The following FRMPD4 variants were observed in gnomAD, a reference collection of about 807,000 sequenced individuals.
FRMPD4 encodes FERM and PDZ domain-containing protein 4.
In FRMPD4, 22 loss-of-function variants were observed where a neutral mutation model predicts 94.1. That is an observed-to-expected ratio of 0.23 (90% CI 0.17 to 0.33). FRMPD4 has a LOEUF of 0.33. Among genes scored for constraint, FRMPD4 ranks in the 10% least tolerant of loss-of-function variants. The pLI is 1.00. For synonymous variants in FRMPD4, 631 were observed against 548.6 expected (o/e 1.15, Z -2.10); for missense variants, 1,111 against 1,339.9 (o/e 0.83, Z 2.67).
chrX:12,129,817 T>A (rs1014594233), intron 3 of FRMPD4, among the ~76,000 whole-genome samples: 3 of 111,967 alleles, frequency 2.7e-5, no homozygotes, highest in Non-Finnish European at 5.6e-5. Flanking sequence ...AGGCAATAAT[T>A]CCTGCCCCAT....
intron 1 of FRMPD4, among the ~76,000 whole-genome samples, chrX:12,303,840 A>G (rs1434039610): frequency 6.2e-5 from 7 of 112,514 alleles, no homozygotes; most frequent in African/African-American, 2.3e-4. Flanking sequence ...GAAAACAGAT[A>G]TTTAGAAAGA....
At chrX:12,015,292 C>T (rs2054599478) in intron 3 of FRMPD4, among the ~76,000 whole-genome samples, 1 of 111,069 alleles carries the variant, frequency 9.0e-6, no homozygotes, top group Non-Finnish European at 1.9e-5. Context: ...GGCCATCTCC[C>T]CAGTCTGAAG....
intron 1 of FRMPD4, among the ~76,000 whole-genome samples, chrX:12,189,072 A>T (rs1436213121): frequency 9.0e-6 from 1 of 111,507 alleles, no homozygotes; most frequent in African/African-American, 3.3e-5. Flanking sequence ...GAGAGAAGAC[A>T]TGAATTACTA....
At chrX:12,473,126 T>C (rs933109257) in intron 1 of FRMPD4, among the ~76,000 whole-genome samples, 5 of 110,734 alleles carry the variant, frequency 4.5e-5, no homozygotes, top group Non-Finnish European at 7.5e-5. Context: ...CGGCAGAAAC[T>C]CTACAAGCCA....
At chrX:12,408,991 G>A (rs1175703030) in intron 1 of FRMPD4, among the ~76,000 whole-genome samples, 1 of 111,362 alleles carries the variant, frequency 9.0e-6, no homozygotes, top group Non-Finnish European at 1.9e-5. Flanking sequence ...ATGACTAACA[G>A]GGAAGAGTTT....
intron 4 of FRMPD4, among the ~76,000 whole-genome samples, chrX:12,634,355 T>C (rs191097993): frequency 1.3e-3 from 142 of 112,260 alleles, no homozygotes; most frequent in African/African-American, 4.3e-3. Context: ...CAGAGCTGAA[T>C]TGATCACATG....
chrX:12,691,933 G>A (rs984042446), intron 8 of FRMPD4, among the ~76,000 whole-genome samples: 1 of 110,640 alleles, frequency 9.0e-6, no homozygotes, highest in African/African-American at 3.3e-5. Context: ...TTGTGCTATC[G>A]AATGGTCACA....
chrX:12,072,300 A>T (rs947721812), intron 3 of FRMPD4, among the ~76,000 whole-genome samples: 1 of 112,273 alleles, frequency 8.9e-6, no homozygotes, highest in African/African-American at 3.2e-5. Context: ...CACACTGTTT[A>T]TTAAGAGAGG....
intron 1 of FRMPD4, among the ~76,000 whole-genome samples, chrX:12,314,710 G>C (rs2055087077): frequency 9.0e-6 from 1 of 110,913 alleles, no homozygotes; most frequent in Non-Finnish European, 1.9e-5. Flanking sequence ...TAATAGACCT[G>C]TTAGACCTCT....
intron 3 of FRMPD4, among the ~76,000 whole-genome samples, chrX:11,906,458 C>T (rs906830472): frequency 1.8e-5 from 2 of 111,561 alleles, no homozygotes; most frequent in African/African-American, 6.5e-5. Context: ...AATTTCCCTC[C>T]ATTTTCAAAG....
At chrX:12,594,686 C>T (rs970216944) in intron 2 of FRMPD4, among the ~76,000 whole-genome samples, 3 of 111,151 alleles carry the variant, frequency 2.7e-5, no homozygotes, top group Non-Finnish European at 3.8e-5. Flanking sequence ...CTGCCCACCT[C>T]GGCCTCCCAA....
At chrX:12,402,647 A>G (rs2056622404) in intron 1 of FRMPD4, among the ~76,000 whole-genome samples, 1 of 112,728 alleles carries the variant, frequency 8.9e-6, no homozygotes, top group Non-Finnish European at 1.9e-5. Flanking sequence ...TTGAAACTTA[A>G]TCCCCATTAT....
In FRMPD4 at chrX:12,357,519, C is replaced by T. The variant is rs774934705; in HGVS notation, c.42-141161C>T. On this transcript the variant is annotated intron_variant, in intron 1 of 16. Transcript: ENST00000675598. ...TTCACTTTACCCAAATCCATGACAA[C>T]AAGACCTGGCATTGAATAGAATCCA... Among the ~76,000 whole-genome samples the T allele has an allele frequency of 2.7e-5, 3 of 112,195 alleles. No individual in the cohort carries two copies. The South Asian group carries it at 1.1e-3, about 42-fold the overall frequency.
At chrX:12,536,589 A>T (rs2058341742) in intron 2 of FRMPD4, among the ~76,000 whole-genome samples, 1 of 112,129 alleles carries the variant, frequency 8.9e-6, no homozygotes, top group Non-Finnish European at 1.9e-5. Context: ...ATAATATGGT[A>T]AAATAGCTCT....
At chrX:12,619,539 C>T (rs2059268011) in intron 4 of FRMPD4, among the ~76,000 whole-genome samples, 1 of 111,431 alleles carries the variant, frequency 9.0e-6, no homozygotes, top group South Asian at 3.8e-4. Flanking sequence ...CCCACCCAGG[C>T]CTTGGTGGCA....
At chrX:12,550,241 T>C (rs1263777308) in intron 2 of FRMPD4, among the ~76,000 whole-genome samples, 2 of 111,053 alleles carry the variant, frequency 1.8e-5, no homozygotes, top group African/African-American at 3.3e-5. Flanking sequence ...GGTATGTAGA[T>C]AGAGGCCTCA....
At chrX:12,442,994 T>A (rs898091083) in intron 1 of FRMPD4, among the ~76,000 whole-genome samples, 8 of 111,818 alleles carry the variant, frequency 7.2e-5, no homozygotes, top group Non-Finnish European at 1.5e-4. Context: ...GACCACATAT[T>A]GTATGATTTT....
intron 3 of FRMPD4, among the ~76,000 whole-genome samples, chrX:12,035,403 T>A (rs1250043434): frequency 9.0e-6 from 1 of 111,224 alleles, no homozygotes; most frequent in African/African-American, 3.3e-5. Flanking sequence ...GGTGATGGAG[T>A]CAAGCTAAAA....
intron 1 of FRMPD4, among the ~76,000 whole-genome samples, chrX:12,345,427 A>T (rs191905562): frequency 1.3e-3 from 149 of 111,479 alleles, no homozygotes; most frequent in African/African-American, 4.8e-3. Flanking sequence ...TGCACCTCTA[A>T]CCCTTTTTCT....
Sources: gnomAD v4.1 joint callset for allele counts (sites outside exome capture counted in the v4.1 genomes callset) on GRCh38, gnomAD v4.1.1 for gene constraint, MANE v1.5 for transcripts, NCBI Gene and HGNC (gene_info 2026-07-23, HGNC 2026-07-21) for gene names.